The following VAMP7 variants were observed in gnomAD, a reference collection of about 807,000 sequenced individuals.
VAMP7 encodes vesicle-associated membrane protein 7.
A neutral mutation model predicts 29.6 loss-of-function variants in VAMP7; 14 were observed. That is an observed-to-expected ratio of 0.47 (90% confidence interval 0.31 to 0.74). The LOEUF (loss-of-function observed/expected upper bound fraction) is 0.74, where lower values mean the gene tolerates loss of function less well. Ranked by LOEUF, VAMP7 falls within the 30% of genes least tolerant of loss-of-function variation. The pLI is 0.05. For synonymous variants in VAMP7, 95 were observed against 88.1 expected (o/e 1.08, Z -0.44); for missense variants, 223 against 262.4 (o/e 0.85, Z 1.04).
chrX:155,903,866 A>C (rs1376768230), intron 5 of VAMP7, among the ~76,000 whole-genome samples: 1 of 152,128 alleles, frequency 6.6e-6, no homozygotes, highest in African/African-American at 2.4e-5. Context: ...GTATATACCC[A>C]AGGACTATAA....
chrX:155,927,765 GT>G lies in VAMP7; in HGVS notation c.501+7900del, dbSNP rs35465189. On this transcript the variant is annotated intron_variant, in intron 6 of 7. Transcript: ENST00000286448. ...AGTTTTTTAGTTTTTCACAATGGCA[GT>G]TTTTTTTTTTTTTTAAAGTGAGTGC... is the stretch of plus-strand genomic sequence containing the variant. Among the ~76,000 whole-genome samples the G allele has an allele frequency of 1.0e-3, 141 of 141,206 alleles. 1 individual carries two copies. The highest frequency in any genetic ancestry group is 7.5e-3 in the Middle Eastern group (2 of 268). 92.6% of individuals were successfully genotyped at this position (141,206 alleles called of 152,430 possible).
intron 5 of VAMP7, among the ~76,000 whole-genome samples, chrX:155,903,687 A>G (rs1302708175): frequency 6.6e-6 from 1 of 152,220 alleles, no homozygotes; most frequent in Non-Finnish European, 1.5e-5. Context: ...AATGGCAGTC[A>G]TTAAAAAGTC....
At chrX:155,939,040 G>A (rs1452076908) in intron 6 of VAMP7, among the ~76,000 whole-genome samples, 2 of 151,802 alleles carry the variant, frequency 1.3e-5, no homozygotes, top group Non-Finnish European at 2.9e-5. Context: ...AAGTAGTGCT[G>A]TCCAAAACAT....
At chrX:155,887,423 A>G (rs367922311) in intron 1 of VAMP7, among the ~76,000 whole-genome samples, 75 of 152,248 alleles carry the variant, frequency 4.9e-4, no homozygotes, top group African/African-American at 1.7e-3. Context: ...GAGCATTTCA[A>G]GAAGGAGGGT....
chrX:155,899,475 T>C (rs1326480633), intron 4 of VAMP7, among the ~76,000 whole-genome samples: 5 of 152,156 alleles, frequency 3.3e-5, no homozygotes, highest in Middle Eastern at 3.4e-3. Flanking sequence ...AAAAGCTGTA[T>C]TGTAATGGAA....
intron 2 of VAMP7, among the ~76,000 whole-genome samples, chrX:155,890,854 T>C (rs1283987056): frequency 2.0e-5 from 3 of 152,240 alleles, no homozygotes; most frequent in Non-Finnish European, 4.4e-5. Context: ...TTTCTATGGC[T>C]AACCCCTTAT....
At chrX:155,907,407 A>T (rs936225818) in intron 5 of VAMP7, among the ~76,000 whole-genome samples, 1 of 152,036 alleles carries the variant, frequency 6.6e-6, no homozygotes, top group South Asian at 2.1e-4. Flanking sequence ...TTTCCTAGGC[A>T]GAGGACCCTG....
intron 3 of VAMP7, 144 bp from the exon 4 acceptor site, chrX:155,897,968 T>A: frequency 9.5e-7 from 1 of 1,057,814 alleles, no homozygotes. Flanking sequence ...TTCCTTTACT[T>A]ATCTTTAAGA....
Position 155,942,367 on chromosome X carries a change from T to A in VAMP7, c.*416T>A. On this transcript the variant is annotated 3_prime_UTR_variant, in exon 8 of 8. Coordinates refer to ENST00000286448, the MANE Select transcript of VAMP7 (RefSeq NM_005638.6). ...TGCTAACATCTCATCTTAATGTCTT[T>A]TGTTATTGAGAAGTTTTAGGTGCTT... is the stretch of plus-strand genomic sequence containing the variant. The A allele has an allele frequency of 3.6e-6, 2 of 559,544 alleles. No individual in the cohort carries two copies. Among genetic ancestry groups the A allele is most frequent in the Non-Finnish European group, 6.1e-6 (2 of 326,154 alleles). The allele number at this position is 559,544 out of a possible 1,614,324, so 34.7% of individuals were successfully genotyped here.
chrX:155,908,662 G>A (rs1240710599), intron 5 of VAMP7, among the ~76,000 whole-genome samples: 2 of 152,132 alleles, frequency 1.3e-5, no homozygotes, highest in African/African-American at 4.8e-5. Context: ...AATGAGTCAA[G>A]AAGTGTTCCC....
At chrX:155,909,960 T>TC (rs1967587621) in intron 5 of VAMP7, among the ~76,000 whole-genome samples, 1 of 152,218 alleles carries the variant, frequency 6.6e-6, no homozygotes, top group Non-Finnish European at 1.5e-5. Flanking sequence ...TTTCAAATTC[T>TC]CTCTTCTAGC....
rs2066514584 is a variant in VAMP7 at position 155,929,337 on chromosome X, A to G, written c.501+9457A>G. Among the ~76,000 whole-genome samples, 3 of 152,230 alleles carry G rather than the reference A, an allele frequency of 2.0e-5. No individual in the cohort carries two copies. In the South Asian group the frequency reaches 6.2e-4, roughly 32 times the overall value. ...TTGTTTACCAAGAATTTACATTAAA[A>G]TAGCATAAGCTATTGATTGCTATAC... On this transcript the variant is annotated intron_variant, in intron 6 of 7. Transcript: ENST00000286448.
chrX:155,938,437 T>C (rs945971687), intron 6 of VAMP7, among the ~76,000 whole-genome samples: 5 of 152,128 alleles, frequency 3.3e-5, no homozygotes, highest in African/African-American at 4.8e-5. Flanking sequence ...AGGGAGTGGA[T>C]TTTTTAAAAC....
At chrX:155,939,130 T>G (rs1287405869) in intron 6 of VAMP7, among the ~76,000 whole-genome samples, 1 of 152,062 alleles carries the variant, frequency 6.6e-6, no homozygotes, top group Admixed American at 6.5e-5. Flanking sequence ...TAGGGAGTTT[T>G]GTTGGTTGGT....
chrX:155,937,660 A>T (rs968451131), intron 6 of VAMP7, among the ~76,000 whole-genome samples: 20 of 152,174 alleles, frequency 1.3e-4, no homozygotes, highest in African/African-American at 4.8e-4. Flanking sequence ...TATTCTTGCC[A>T]CATGGTGGGT....
intron 5 of VAMP7, among the ~76,000 whole-genome samples, chrX:155,910,586 G>GTT (rs57564977): frequency 7.3e-4 from 98 of 133,978 alleles, no homozygotes; most frequent in African/African-American, 2.5e-3. Flanking sequence ...GTGTGTAAGT[G>GTT]TTTTTTTTTT....
At chrX:155,888,002 A>C (rs2065885699) in intron 1 of VAMP7, among the ~76,000 whole-genome samples, 1 of 151,988 alleles carries the variant, frequency 6.6e-6, no homozygotes, top group African/African-American at 2.4e-5. Flanking sequence ...CTTTAGGATC[A>C]AGGGAGATAA....
At chrX:155,930,603 T>C (rs865804550) in intron 6 of VAMP7, among the ~76,000 whole-genome samples, 43 of 151,412 alleles carry the variant, frequency 2.8e-4, no homozygotes, top group African/African-American at 1.0e-3. Flanking sequence ...AGAGCTATGA[T>C]CACACCACTG....
chrX:155,937,454 G>A (rs1345750385), intron 6 of VAMP7, among the ~76,000 whole-genome samples: 1 of 152,142 alleles, frequency 6.6e-6, no homozygotes, highest in Non-Finnish European at 1.5e-5. Context: ...TGAGGTGATG[G>A]ATATTTTACT....
Sources: gnomAD v4.1 joint callset for allele counts (sites outside exome capture counted in the v4.1 genomes callset) on GRCh38, gnomAD v4.1.1 for gene constraint, MANE v1.5 for transcripts, NCBI Gene and HGNC (gene_info 2026-07-23, HGNC 2026-07-21) for gene names.